PLCB1: variants seen among roughly 807,000 people sequenced by gnomAD.
PLCB1 encodes 1-phosphatidylinositol 4,5-bisphosphate phosphodiesterase beta-1.
A neutral mutation model predicts 161.8 loss-of-function variants in PLCB1; 46 were observed. The ratio of observed to expected loss-of-function variants is 0.28; its 90% CI spans 0.22 to 0.36. PLCB1 has a LOEUF of 0.36. Among genes scored for constraint, PLCB1 ranks in the 10% least tolerant of loss-of-function variants. The pLI, the probability that PLCB1 is intolerant of heterozygous loss-of-function variation, is 1.00. For synonymous variants in PLCB1, 517 were observed against 503.7 expected (o/e 1.03, Z -0.35); for missense variants, 1,016 against 1,472.5 (o/e 0.69, Z 5.07).
chr20:8,181,688 C>A (rs527571884), intron 2 of PLCB1, among the ~76,000 whole-genome samples: 1 of 152,210 alleles, frequency 6.6e-6, no homozygotes, highest in East Asian at 1.9e-4. Context: ...TTAATAGCTA[C>A]CACTGGCTGT....
intron 3 of PLCB1, among the ~76,000 whole-genome samples, chr20:8,560,891 G>A (rs1986119878): frequency 6.6e-6 from 1 of 151,908 alleles, no homozygotes; most frequent in Non-Finnish European, 1.5e-5. Flanking sequence ...TAAAATGGGT[G>A]GCATTGTCGG....
intron 3 of PLCB1, among the ~76,000 whole-genome samples, chr20:8,475,448 G>T (rs957616643): frequency 1.3e-5 from 2 of 152,110 alleles, no homozygotes; most frequent in African/African-American, 4.8e-5. Context: ...AAAAGACAGA[G>T]ATGTCCTTGC....
rs138564599 is a variant in PLCB1 at position 8,621,458 on chromosome 20, A to G, written c.247-6836A>G. On this transcript the variant is annotated intron_variant, in intron 3 of 31. Transcript: ENST00000338037. The stretch of plus-strand genomic sequence containing the variant: ...TCCATTGACTAGTTTTCAAATTGCT[A>G]TAGTTCATGCACTTTTATTTTCAGC... Among the ~76,000 whole-genome samples, 467 of 152,322 alleles carry G rather than the reference A, an allele frequency of 3.1e-3. 10 individuals carry two copies. The East Asian group carries it at 0.075, about 25-fold the overall frequency.
At chr20:8,160,896 T>C (rs1444782174) in intron 2 of PLCB1, among the ~76,000 whole-genome samples, 4 of 152,208 alleles carry the variant, frequency 2.6e-5, no homozygotes, top group African/African-American at 9.6e-5. Context: ...ATTTTAAATT[T>C]ACTTTAAGTA....
At chr20:8,514,154 G>T (rs533349012) in intron 3 of PLCB1, among the ~76,000 whole-genome samples, 1 of 152,238 alleles carries the variant, frequency 6.6e-6, no homozygotes, top group African/African-American at 2.4e-5. Context: ...ACCAGCCTGG[G>T]TGGGCCGGGC....
rs1327202268 is a variant in PLCB1, at chr20:8,884,709, AAGAT to A, written c.*2863_*2866del. 6.5e-5 allele frequency: 10 copies of A among 152,758 alleles called. No homozygotes were observed. The South Asian group carries it at 1.2e-3, about 19-fold the overall frequency. 9.5% of individuals were successfully genotyped at this position (152,758 alleles called of 1,614,324 possible). A position where few individuals can be genotyped will look rare whatever the true frequency, so the allele number is the denominator to read the frequency against. Reference sequence around the variant, plus strand: ...ACTCTTGCCTTTTAAGAAGAAAAAAAAGATAGGACAAAGTATTTGAAGCTCTTAA... The same window carrying A: ...ACTCTTGCCTTTTAAGAAGAAAAAAAAGGACAAAGTATTTGAAGCTCTTAA... On this transcript the variant is annotated 3_prime_UTR_variant, in exon 32 of 32. Coordinates refer to ENST00000338037, the MANE Select transcript of PLCB1 (RefSeq NM_015192.4).
chr20:8,188,263 C>G (rs2051927797), intron 2 of PLCB1, among the ~76,000 whole-genome samples: 1 of 152,132 alleles, frequency 6.6e-6, no homozygotes, highest in African/African-American at 2.4e-5. Context: ...TCCTTGTGTA[C>G]TGTCCACTAA....
intron 3 of PLCB1, among the ~76,000 whole-genome samples, chr20:8,492,392 CTG>C (rs1568697324): frequency 6.6e-6 from 1 of 151,992 alleles, no homozygotes; most frequent in African/African-American, 2.4e-5. Flanking sequence ...TGCTGATAAA[CTG>C]TTCAAATAGG....
At chr20:8,847,337 T>C (rs955320467) in intron 31 of PLCB1, among the ~76,000 whole-genome samples, 6 of 152,206 alleles carry the variant, frequency 3.9e-5, no homozygotes, top group Admixed American at 2.0e-4. Context: ...ATCTTCTGTA[T>C]ATAGAATTAG....
intron 31 of PLCB1, chr20:8,880,856 CTTTCTTTTTTTTT>C (rs1196708220): frequency 9.3e-6 from 1 of 107,586 alleles, no homozygotes; most frequent in Non-Finnish European, 1.8e-5. Flanking sequence ...TTCTTTCTTT[CTTTCTTTTTTTTT>C]TTTTTTTTTG....
At chr20:8,631,493 A>G (rs7263574) in intron 4 of PLCB1, among the ~76,000 whole-genome samples, 2,071 of 152,344 alleles carry the variant, frequency 0.014, 42 homozygotes, top group African/African-American at 0.047. Flanking sequence ...ATTGTGCTAA[A>G]TAAAACCTCA....
At chr20:8,644,529 G>A (rs532494769) in intron 4 of PLCB1, among the ~76,000 whole-genome samples, 3 of 143,660 alleles carry the variant, frequency 2.1e-5, no homozygotes, top group African/African-American at 5.2e-5. Flanking sequence ...CGGCCGCCCC[G>A]TCTGAGAAGT....
At chr20:8,806,723 TG>T (rs1184724916) in intron 31 of PLCB1, among the ~76,000 whole-genome samples, 2 of 152,196 alleles carry the variant, frequency 1.3e-5, no homozygotes, top group African/African-American at 4.8e-5. Flanking sequence ...GTTAAGCAAT[TG>T]TTTTTTATTT....
chr20:8,522,254 C>A (rs997916910), intron 3 of PLCB1, among the ~76,000 whole-genome samples: 1 of 152,184 alleles, frequency 6.6e-6, no homozygotes, highest in South Asian at 2.1e-4. Flanking sequence ...TCTTCCCTTA[C>A]AAGCGTTTCC....
rs145656969 is a variant in PLCB1 at position 8,369,346 on chromosome 20, A to G, written c.178-2036A>G. On this transcript the variant is annotated intron_variant, in intron 2 of 31. Coordinates refer to ENST00000338037, the MANE Select transcript of PLCB1 (RefSeq NM_015192.4). The stretch of plus-strand genomic sequence containing the variant: ...TCTTTCACCTCTCAGATCTCCACTT[A>G]TTTCCCATCTTCTAGATTAAACTTC... 5.9e-5 allele frequency among the ~76,000 whole-genome samples: 9 copies of G among 151,994 alleles called. No individual in the cohort carries two copies. The East Asian group carries it at 1.7e-3, about 29-fold the overall frequency.
At chr20:8,444,649 G>A (rs1369312953) in intron 3 of PLCB1, among the ~76,000 whole-genome samples, 1 of 152,186 alleles carries the variant, frequency 6.6e-6, no homozygotes, top group Non-Finnish European at 1.5e-5. Flanking sequence ...GGTTGAACTA[G>A]TTTACAGTCC....
chr20:8,316,898 AATTT>A (rs1036970446), intron 2 of PLCB1, among the ~76,000 whole-genome samples: 3 of 152,040 alleles, frequency 2.0e-5, no homozygotes, highest in African/African-American at 7.2e-5. Flanking sequence ...TCTCATAAAA[AATTT>A]ATTTATTTAT....
intron 2 of PLCB1, among the ~76,000 whole-genome samples, chr20:8,324,224 G>A (rs1985050250): frequency 8.5e-6 from 1 of 117,940 alleles, no homozygotes; most frequent in Non-Finnish European, 1.8e-5. Flanking sequence ...GTGTGTGTGT[G>A]TGTGTGTGTG....
At chr20:8,413,447 A>T (rs1340474939) in intron 3 of PLCB1, among the ~76,000 whole-genome samples, 1 of 152,210 alleles carries the variant, frequency 6.6e-6, no homozygotes, top group African/African-American at 2.4e-5. Flanking sequence ...TTGTCAGTGC[A>T]AGTAAAGGCA....
Sources: gnomAD v4.1 joint callset for allele counts (sites outside exome capture counted in the v4.1 genomes callset) on GRCh38, gnomAD v4.1.1 for gene constraint, MANE v1.5 for transcripts, NCBI Gene and HGNC (gene_info 2026-07-23, HGNC 2026-07-21) for gene names.